Variants in TUFT1 observed in about 807,000 individuals in gnomAD.
TUFT1 encodes the protein tuftelin 1, also known as tuftelin.
In TUFT1, 43 loss-of-function variants were observed where a neutral mutation model predicts 57.8. That is an observed-to-expected ratio of 0.74 (90% CI 0.58 to 0.96). The LOEUF is 0.96. Ranked by LOEUF, TUFT1 falls within the 40% of genes least tolerant of loss-of-function variation. The probability of loss-of-function intolerance (pLI) is 0.00; values close to 1 mark genes in which losing one functional copy is unlikely to be tolerated. For missense variants in TUFT1, 459 were observed against 489.0 expected, an observed-to-expected ratio of 0.94 and a Z score of 0.58; for synonymous variants, 166 against 176.7, an observed-to-expected ratio of 0.94 and a Z score of 0.48.
At chr1:151,555,463 C>CTTT (rs397981559) in intron 1 of TUFT1, among the ~76,000 whole-genome samples, 1 of 141,760 alleles carries the variant, frequency 7.1e-6, no homozygotes, top group African/African-American at 2.6e-5. Flanking sequence ...ATATTAATTC[C>CTTT]TTTTTTTTTT....
chr1:151,548,727 G>A (rs1665421286), intron 1 of TUFT1, among the ~76,000 whole-genome samples: 1 of 152,192 alleles, frequency 6.6e-6, no homozygotes, highest in Admixed American at 6.5e-5. Flanking sequence ...GATACAGGGT[G>A]AAGATGAATT....
Position 151,582,005 on chromosome 1 carries a change from G to A in TUFT1, c.*298G>A, listed in dbSNP as rs996683357. On this transcript the variant is annotated 3_prime_UTR_variant, in exon 13 of 13. Coordinates refer to ENST00000368849, the MANE Select transcript of TUFT1 (RefSeq NM_020127.3). ...TTTCTCTGTAGAGAGCCTCCCTTCTGTTGTAGACTGGACTCTGGCTGTGCC... is the reference window on the plus strand; with the variant it reads ...TTTCTCTGTAGAGAGCCTCCCTTCTATTGTAGACTGGACTCTGGCTGTGCC... 7.0e-6 allele frequency: 4 copies of A among 575,380 alleles called. No homozygotes were observed. Among genetic ancestry groups the A allele is most frequent in the African/African-American group, 3.7e-5 (2 of 54,194 alleles). The allele number at this position is 575,380 out of a possible 1,614,324, so 35.6% of individuals were successfully genotyped here.
intron 12 of TUFT1, 54 bp downstream of exon 12, chr1:151,581,096 A>G (rs1666634901): frequency 2.6e-6 from 4 of 1,512,632 alleles, no homozygotes; most frequent in Non-Finnish European, 3.7e-6. Flanking sequence ...AGAAGGAGGG[A>G]CAGAGCTCTG....
intron 1 of TUFT1, among the ~76,000 whole-genome samples, chr1:151,544,892 T>C (rs527956016): frequency 1.3e-5 from 2 of 152,320 alleles, no homozygotes; most frequent in African/African-American, 4.8e-5. Flanking sequence ...ACTTCTGTTG[T>C]AGGAATTATA....
intron 5 of TUFT1, 182 bp from the exon 6 acceptor site, chr1:151,565,981 C>T (rs1666058604): frequency 4.1e-6 from 2 of 487,956 alleles, no homozygotes; most frequent in Admixed American, 6.4e-5. Context: ...TTCCTCTTCT[C>T]CTTTCTTCAT....
intron 10 of TUFT1, among the ~76,000 whole-genome samples, chr1:151,579,098 G>A (rs1001206761): frequency 6.6e-6 from 1 of 152,236 alleles, no homozygotes; most frequent in African/African-American, 2.4e-5. Context: ...GTGGGTAAAT[G>A]AGTAGTTGAG....
At chr1:151,566,031 T>A in intron 5 of TUFT1, 132 bp from the exon 6 acceptor site, 1 of 145,462 alleles carries the variant, frequency 6.9e-6, no homozygotes, top group African/African-American at 2.7e-5. Flanking sequence ...TCTCTCTCCC[T>A]CCCCCTCCCT....
intron 1 of TUFT1, chr1:151,557,961 C>T: frequency 1.7e-6 from 1 of 579,484 alleles, no homozygotes; most frequent in Non-Finnish European, 3.2e-6. Flanking sequence ...GATTATTTTG[C>T]ATTGAATAAA....
At chr1:151,541,494 T>TG (rs1442130171) in intron 1 of TUFT1, among the ~76,000 whole-genome samples, 5 of 152,148 alleles carry the variant, frequency 3.3e-5, no homozygotes, top group African/African-American at 1.2e-4. Flanking sequence ...ACTAAGGTGA[T>TG]GGGGAACTTG....
At chr1:151,572,761 G>A (rs922714313) in intron 7 of TUFT1, among the ~76,000 whole-genome samples, 1 of 152,194 alleles carries the variant, frequency 6.6e-6, no homozygotes, top group African/African-American at 2.4e-5. Context: ...GTGAGAGTGA[G>A]TTTGCTCTGG....
intron 1 of TUFT1, among the ~76,000 whole-genome samples, chr1:151,560,431 C>A (rs956381130): frequency 6.6e-6 from 1 of 151,970 alleles, no homozygotes; most frequent in African/African-American, 2.4e-5. Context: ...AAACAAAAAA[C>A]CCTCAGTTGG....
chr1:151,557,465 G>T, intron 1 of TUFT1: 2 of 1,400,394 alleles, frequency 1.4e-6, no homozygotes, highest in South Asian at 2.4e-5. Context: ...CCTAAGAACC[G>T]GATTGCCATT....
chr1:151,573,059 T>G (rs886666250), intron 7 of TUFT1, among the ~76,000 whole-genome samples: 7 of 152,216 alleles, frequency 4.6e-5, no homozygotes, highest in Non-Finnish European at 1.0e-4. Flanking sequence ...CAGTTGACCT[T>G]TACTTGTTAA....
Position 151,557,851 on chromosome 1 carries a change from G to T in TUFT1, c.61-4240G>T, listed in dbSNP as rs374690691. 4.0e-6 allele frequency: 3 copies of T among 742,010 alleles called. No individual in the cohort carries two copies. In the South Asian group the frequency reaches 4.0e-5, roughly 10 times the overall value. The allele number at this position is 742,010 out of a possible 1,614,324, so 46.0% of individuals were successfully genotyped here. ...ACGGAGTGCTGTGCCGCCTGGTGCCGACAGCAAAGCTGAGGCTGGGGCTGG... is the reference window on the plus strand; with the variant it reads ...ACGGAGTGCTGTGCCGCCTGGTGCCTACAGCAAAGCTGAGGCTGGGGCTGG... On this transcript the variant is annotated intron_variant, in intron 1 of 12. Transcript: ENST00000368849.
At chr1:151,566,138 A>G (rs1203262324) in intron 5 of TUFT1, 25 bp from the exon 6 acceptor site, 1 of 1,579,754 alleles carries the variant, frequency 6.3e-7, no homozygotes, top group African/African-American at 1.4e-5. Flanking sequence ...TGTTTTAACT[A>G]CCAATTTTAT....
intron 1 of TUFT1, among the ~76,000 whole-genome samples, chr1:151,546,753 CTG>C (rs1269131649): frequency 1.3e-5 from 2 of 152,126 alleles, no homozygotes; most frequent in Non-Finnish European, 2.9e-5. Flanking sequence ...TGTATTACAA[CTG>C]TGTTCGTCAT....
At chr1:151,576,608 A>G (rs1666469561) in intron 9 of TUFT1, among the ~76,000 whole-genome samples, 2 of 152,196 alleles carry the variant, frequency 1.3e-5, no homozygotes, top group African/African-American at 4.8e-5. Context: ...TTGCTGTCAT[A>G]GAACTCAGGT....
intron 1 of TUFT1, among the ~76,000 whole-genome samples, chr1:151,552,173 G>A (rs1558003144): frequency 6.6e-6 from 1 of 152,198 alleles, no homozygotes; most frequent in Admixed American, 6.5e-5. Flanking sequence ...GATGTTGCAT[G>A]TACAGTGCTT....
At position 151,555,716 on chromosome 1, in the gene TUFT1, G is replaced by A. The variant is rs569159396; in HGVS notation, c.61-6375G>A. Among the ~76,000 whole-genome samples, 137 of 147,964 alleles carry A rather than the reference G, an allele frequency of 9.3e-4. 2 individuals are homozygous for A. In the South Asian group the frequency reaches 0.029, roughly 31 times the overall value. On this transcript the variant is annotated intron_variant, in intron 1 of 12. Coordinates refer to ENST00000368849, the MANE Select transcript of TUFT1 (RefSeq NM_020127.3). ...CGTTTGAACCCAGGAGGCAGAGGTT[G>A]CAGTGAGCTGAGATGGTGCCATTGC...
Sources: allele counts gnomAD v4.1 joint callset (sites outside exome capture counted in the v4.1 genomes callset), GRCh38; gene constraint gnomAD v4.1.1; transcripts MANE v1.5; gene names NCBI Gene and HGNC (gene_info 2026-07-23, HGNC 2026-07-21).